OPCML: variants seen among roughly 807,000 people sequenced by gnomAD.
The protein encoded by OPCML is opioid binding protein/cell adhesion molecule like.
In OPCML, 13 loss-of-function variants were observed where a neutral mutation model predicts 37.8. That is an observed-to-expected ratio of 0.34 (90% confidence interval 0.22 to 0.55). OPCML has a LOEUF of 0.55. Among genes scored for constraint, OPCML ranks in the 20% least tolerant of loss-of-function variants. The pLI is 0.91. For synonymous variants in OPCML, 176 were observed against 168.8 expected, an observed-to-expected ratio of 1.04 and a Z score of -0.33; for missense variants, 341 against 435.6, an observed-to-expected ratio of 0.78 and a Z score of 1.93.
At chr11:133,043,136 C>A (rs1947939092) in intron 1 of OPCML, among the ~76,000 whole-genome samples, 1 of 152,180 alleles carries the variant, frequency 6.6e-6, no homozygotes, top group South Asian at 2.1e-4. Context: ...TCCCTTCCAT[C>A]TTCCACCTCA....
chr11:132,979,294 C>T (rs776765231), intron 1 of OPCML, among the ~76,000 whole-genome samples: 1 of 152,216 alleles, frequency 6.6e-6, no homozygotes, highest in Non-Finnish European at 1.5e-5. Flanking sequence ...CCTGAGCCCT[C>T]CCCTGGCCCC....
At chr11:132,547,762 A>G (rs2096372082) in intron 3 of OPCML, among the ~76,000 whole-genome samples, 1 of 152,182 alleles carries the variant, frequency 6.6e-6, no homozygotes. Flanking sequence ...AAAAGTCTCC[A>G]TCAAGAATGT....
intron 1 of OPCML, among the ~76,000 whole-genome samples, chr11:133,463,382 A>G (rs560606764): frequency 1.5e-4 from 23 of 152,178 alleles, no homozygotes; most frequent in African/African-American, 5.3e-4. Flanking sequence ...ACACTTGAAA[A>G]TGCTTACAAT....
rs567426949 is a variant in OPCML, at chr11:133,212,821, A to G, written c.62-269811T>C. 1.3e-5 allele frequency among the ~76,000 whole-genome samples: 2 copies of G among 152,310 alleles called. No homozygotes were observed. Among genetic ancestry groups the G allele is most frequent in the South Asian group, 4.1e-4 (2 of 4,828 alleles). On this transcript the variant is annotated intron_variant, in intron 1 of 7. Transcript: ENST00000524381. The surrounding 1 kb of genome is among the most constrained non-coding windows in gnomAD (Gnocchi z 4.9). The stretch of plus-strand genomic sequence containing the variant: ...GGCCCCCTAGCTGTTGAGAGGTAAG[A>G]GTGAACTCATGACACTGCACCCTTT...
At chr11:132,464,830 GTGTGTTATA>G (rs1224066790) in intron 4 of OPCML, among the ~76,000 whole-genome samples, 1 of 152,046 alleles carries the variant, frequency 6.6e-6, no homozygotes, top group African/African-American at 2.4e-5. Context: ...CAATTAAGAA[GTGTGTTATA>G]TGTACAAGAT....
intron 2 of OPCML, among the ~76,000 whole-genome samples, chr11:132,809,931 G>C (rs1454661982): frequency 6.6e-6 from 1 of 152,064 alleles, no homozygotes; most frequent in African/African-American, 2.4e-5. Flanking sequence ...CTCACTGCAG[G>C]CTCCGCCTCC....
intron 2 of OPCML, among the ~76,000 whole-genome samples, chr11:132,867,266 C>T (rs1200875255): frequency 6.6e-6 from 1 of 152,110 alleles, no homozygotes; most frequent in Non-Finnish European, 1.5e-5. Flanking sequence ...AAGAGTGGCG[C>T]TGGGAGAACT....
chr11:133,155,697 A>G (rs971750663), intron 1 of OPCML, among the ~76,000 whole-genome samples: 1 of 152,164 alleles, frequency 6.6e-6, no homozygotes, highest in African/African-American at 2.4e-5. Context: ...CTGAACTCAA[A>G]TTTATTCAAC....
At chr11:133,305,428 G>A (rs1324457379) in intron 1 of OPCML, among the ~76,000 whole-genome samples, 1 of 152,180 alleles carries the variant, frequency 6.6e-6, no homozygotes, top group Non-Finnish European at 1.5e-5. Context: ...TAAGAACACA[G>A]AGAACTCAAA....
At chr11:133,346,317 C>T (rs547413610) in intron 1 of OPCML, among the ~76,000 whole-genome samples, 8 of 152,130 alleles carry the variant, frequency 5.3e-5, no homozygotes, top group Admixed American at 2.6e-4. Flanking sequence ...GAATGCCAAG[C>T]GGGATGCTCA....
chr11:132,658,243 C>T lies in OPCML; in HGVS notation c.147-924G>A, dbSNP rs541439645. Among the ~76,000 whole-genome samples the T allele has an allele frequency of 3.3e-5, 5 of 152,338 alleles. No individual in the cohort carries two copies. In the East Asian group the frequency reaches 7.7e-4, roughly 24 times the overall value. On this transcript the variant is annotated intron_variant, in intron 2 of 7. Transcript: ENST00000524381. ...TCACTCCATGCTGCACATAGGAATGCACAAGGACAACCACTCTTGCCAATG... is the reference window on the plus strand; with the variant it reads ...TCACTCCATGCTGCACATAGGAATGTACAAGGACAACCACTCTTGCCAATG...
rs2095946639 is a variant in OPCML at position 132,418,587 on chromosome 11, G to A, written c.*1606C>T. The A allele has an allele frequency of 6.6e-6, 1 of 152,670 alleles. No individual in the cohort carries two copies. 9.5% of individuals were successfully genotyped at this position (152,670 alleles called of 1,614,324 possible). ...CAGTTGCTCAAGTGCCCTCAGCTTA[G>A]AAGAGCTTCCTGAAACAAATACCAG... On this transcript the variant is annotated 3_prime_UTR_variant, in exon 8 of 8. Transcript: ENST00000524381.
At chr11:132,874,695 A>G (rs992609803) in intron 2 of OPCML, among the ~76,000 whole-genome samples, 1 of 152,174 alleles carries the variant, frequency 6.6e-6, no homozygotes, top group Non-Finnish European at 1.5e-5. Flanking sequence ...CCAAGATGGG[A>G]CTGCAAGAAA....
chr11:132,443,953 G>A (rs938123380), intron 4 of OPCML, among the ~76,000 whole-genome samples: 3 of 152,212 alleles, frequency 2.0e-5, no homozygotes, highest in African/African-American at 7.2e-5. Context: ...GGGATCCAAG[G>A]CTGACATGAG....
At chr11:132,446,284 C>T (rs900230863) in intron 4 of OPCML, among the ~76,000 whole-genome samples, 1 of 143,572 alleles carries the variant, frequency 7.0e-6, no homozygotes, top group South Asian at 2.4e-4. Flanking sequence ...AATGAAAGTG[C>T]AGTATGTGTG....
intron 2 of OPCML, among the ~76,000 whole-genome samples, chr11:132,719,376 A>C (rs543878355): frequency 6.6e-6 from 1 of 152,202 alleles, no homozygotes; most frequent in Admixed American, 6.5e-5. Context: ...TTCAGGATTC[A>C]TTGAGAGACT....
chr11:132,452,648 C>A (rs1476291841), intron 4 of OPCML, among the ~76,000 whole-genome samples: 2 of 152,016 alleles, frequency 1.3e-5, no homozygotes, highest in African/African-American at 2.4e-5. Flanking sequence ...TTCTTCACCT[C>A]CTTTTTTCAT....
intron 3 of OPCML, among the ~76,000 whole-genome samples, chr11:132,653,227 A>C (rs1941522752): frequency 6.6e-6 from 1 of 152,094 alleles, no homozygotes; most frequent in Non-Finnish European, 1.5e-5. Flanking sequence ...AATCTGGGTG[A>C]TATCATTTTA....
intron 3 of OPCML, among the ~76,000 whole-genome samples, chr11:132,578,038 A>G (rs75665380): frequency 0.015 from 2,325 of 152,328 alleles, 15 homozygotes; most frequent in Non-Finnish European, 0.023. Flanking sequence ...AAAAAAGAAT[A>G]TGCAACTCAA....
Sources: allele counts gnomAD v4.1 joint callset (sites outside exome capture counted in the v4.1 genomes callset), GRCh38; gene constraint gnomAD v4.1.1; non-coding constraint Gnocchi (gnomAD v3.1); transcripts MANE v1.5; gene names NCBI Gene and HGNC (gene_info 2026-07-23, HGNC 2026-07-21).